The following NOX5 variants were observed in gnomAD, a reference collection of about 807,000 sequenced individuals.
The protein encoded by NOX5 is NADPH oxidase, EF-hand calcium binding domain 5.
In NOX5, 76 loss-of-function variants were observed where a neutral mutation model predicts 85.7. That is an observed-to-expected ratio of 0.89 (90% CI 0.74 to 1.07). NOX5 has a LOEUF of 1.07. Ranked by LOEUF, NOX5 falls within the 50% of genes least tolerant of loss-of-function variation. NOX5 has a pLI of 0.00. For missense variants in NOX5, 973 were observed against 999.5 expected, an observed-to-expected ratio of 0.97 and a Z score of 0.36; for synonymous variants, 405 against 401.4, an observed-to-expected ratio of 1.01 and a Z score of -0.11.
chr15:69,021,599 A>C (rs1419980794), intron 1 of NOX5, among the ~76,000 whole-genome samples: 1 of 152,178 alleles, frequency 6.6e-6, no homozygotes, highest in Non-Finnish European at 1.5e-5. Context: ...TATAGGTGTG[A>C]GCCACCGCAC....
At chr15:69,026,384 C>A (rs544863709) in intron 1 of NOX5, 144 bp from the exon 2 acceptor site, 24 of 936,630 alleles carry the variant, frequency 2.6e-5, no homozygotes, top group Non-Finnish European at 3.6e-5. Flanking sequence ...AAGCTCCAAT[C>A]CACAGCCAGA....
At chr15:69,016,461 C>T (rs2050233459) in intron 1 of NOX5, among the ~76,000 whole-genome samples, 1 of 152,162 alleles carries the variant, frequency 6.6e-6, no homozygotes, top group South Asian at 2.1e-4. Context: ...GACAGGTGGT[C>T]CGCAAGAAGA....
At chr15:69,047,570 G>A in intron 12 of NOX5, 33 bp downstream of exon 12, 2 of 1,600,506 alleles carry the variant, frequency 1.2e-6, no homozygotes, top group Non-Finnish European at 8.5e-7. Flanking sequence ...CCTGCATCCT[G>A]GGTCAGAGCC....
rs2050836010 is a variant in NOX5, at chr15:69,058,220, G to A, written c.*1524G>A. ...TGGGTTGGAAGTCCATGGTTGCAAA[G>A]GGGGAGGTAAAGAAGCCGGATCATA... On this transcript the variant is annotated 3_prime_UTR_variant, in exon 16 of 16. Coordinates refer to ENST00000388866, the MANE Select transcript of NOX5 (RefSeq NM_024505.4). 6.6e-6 allele frequency: 1 copy of A among 152,332 alleles called. No homozygotes were observed. Among genetic ancestry groups the A allele is most frequent in the African/African-American group, 2.4e-5 (1 of 41,456 alleles). The allele number at this position is 152,332 out of a possible 1,614,324, so 9.4% of individuals were successfully genotyped here.
rs1159272061 is a variant in NOX5, at chr15:69,059,848, G to T, written c.*3152G>T. ...GACAGATAAGGCTGACACATGCAAA[G>T]AGAAGAGAGAAGGAGCAAGGCCAGT... On this transcript the variant is annotated 3_prime_UTR_variant, in exon 16 of 16. Coordinates refer to ENST00000388866, the MANE Select transcript of NOX5 (RefSeq NM_024505.4). 1.4e-5 allele frequency: 1 copy of T among 70,408 alleles called. No individual in the cohort carries two copies. Among genetic ancestry groups the T allele is most frequent in the African/African-American group, 5.1e-5 (1 of 19,646 alleles). 4.4% of individuals were successfully genotyped at this position (70,408 alleles called of 1,614,324 possible). A position where few individuals can be genotyped will look rare whatever the true frequency, so the allele number is the denominator to read the frequency against.
intron 9 of NOX5, among the ~76,000 whole-genome samples, chr15:69,040,869 G>A (rs2050585613): frequency 6.6e-6 from 1 of 152,062 alleles, no homozygotes; most frequent in South Asian, 2.1e-4. Flanking sequence ...TGTATTTTTA[G>A]TAGAGTCTGG....
At position 69,056,640 on chromosome 15, in the gene NOX5, G is replaced by T. The variant is rs962395718; in HGVS notation, c.2242G>T (p.Val748Leu). The change falls in exon 16 of 16, where the codon GTG (valine) becomes TTG (leucine). Residue 748 changes from valine (V) to leucine (L), a missense_variant. Coordinates refer to ENST00000388866, the MANE Select transcript of NOX5 (RefSeq NM_024505.4). ...CTGTGGCTCCCCAGCTCTGGCCAAG[G>T]TGCTGAAGGGCCATTGTGAGAAGTT... ...FFCGSPALAKVLKGHCEKFGF... is the reference protein window; with the variant it reads ...FFCGSPALAKLLKGHCEKFGF... 6.2e-7 allele frequency: 1 copy of T among 1,613,686 alleles called. No individual in the cohort carries two copies. Among genetic ancestry groups the T allele is most frequent in the Non-Finnish European group, 8.5e-7 (1 of 1,180,028 alleles).
At chr15:69,048,559 A>G (rs2050705480) in intron 13 of NOX5, among the ~76,000 whole-genome samples, 1 of 151,668 alleles carries the variant, frequency 6.6e-6, no homozygotes, top group Admixed American at 6.6e-5. Flanking sequence ...AAATAATAAT[A>G]ATAATTAAAA....
Position 69,033,476 on chromosome 15 carries a change from A to G in NOX5, c.855+199A>G, listed in dbSNP as rs567020686. 2.0e-5 allele frequency among the ~76,000 whole-genome samples: 3 copies of G among 152,276 alleles called. No homozygotes were observed. In the South Asian group the frequency reaches 6.2e-4, roughly 32 times the overall value. ...GCTTGTCCACAGTCACACAGCCAGTAAATAATAACATAACTGGCATTTTTG... is the reference window on the plus strand; with the variant it reads ...GCTTGTCCACAGTCACACAGCCAGTGAATAATAACATAACTGGCATTTTTG... On this transcript the variant is annotated intron_variant, in intron 5 of 15. Transcript: ENST00000388866.
chr15:69,024,542 A>G (rs1051082441), intron 1 of NOX5, among the ~76,000 whole-genome samples: 1 of 152,138 alleles, frequency 6.6e-6, no homozygotes, highest in African/African-American at 2.4e-5. Context: ...AAGAAGAAGA[A>G]GGGTTAGTAC....
In NOX5 at chr15:69,049,057, C is replaced by T. The variant is rs748700531; in HGVS notation, c.1998C>T (p.Tyr666=). 30 of 1,608,360 alleles carry T rather than the reference C, an allele frequency of 1.9e-5. No individual in the cohort carries two copies. The highest frequency in any genetic ancestry group is 2.7e-5 in the African/African-American group (2 of 74,802). The change falls in exon 14 of 16, where the codon TAC becomes TAT. Residue 666 remains tyrosine, a splice_region_variant and synonymous_variant. Transcript: ENST00000388866. Reference sequence around the variant, plus strand: ...TGGACCAGGCCGAGGAGGCTCAATACGGTAAGAGAGGGACAGGGCCTGAGG... The same window carrying T: ...TGGACCAGGCCGAGGAGGCTCAATATGGTAAGAGAGGGACAGGGCCTGAGG... ...LEMDQAEEAQ[Y]GRFLELHMYM...
intron 10 of NOX5, 38 bp downstream of exon 10, chr15:69,042,843 G>T: frequency 1.3e-6 from 2 of 1,599,592 alleles, no homozygotes; most frequent in African/African-American, 2.7e-5. Flanking sequence ...CACTCTGCTG[G>T]CAAGTCCACA....
chr15:69,015,493 C>T (rs1437286071), intron 1 of NOX5, among the ~76,000 whole-genome samples: 3 of 152,082 alleles, frequency 2.0e-5, no homozygotes, highest in Non-Finnish European at 2.9e-5. Context: ...CCGAGGGTCC[C>T]GAGAGATGAA....
At chr15:69,055,229 A>C in intron 14 of NOX5, 105 bp from the exon 15 acceptor site, 1 of 1,256,742 alleles carries the variant, frequency 8.0e-7, no homozygotes, top group Non-Finnish European at 1.1e-6. Context: ...CAAAAGACCT[A>C]TGGGTCTCCT....
chr15:69,046,958 G>C lies in NOX5; in HGVS notation c.1692+92G>C, dbSNP rs563578477. On this transcript the variant is annotated intron_variant, in intron 11 of 15. Coordinates refer to ENST00000388866, the MANE Select transcript of NOX5 (RefSeq NM_024505.4). ...CCTTTAAGGAGGGGCTGTTGTGGTT[G>C]TGGGTACTCAAGCTCCTCAAATCCT... 7 of 1,398,008 alleles carry C rather than the reference G, an allele frequency of 5.0e-6. No individual in the cohort carries two copies. The South Asian group carries it at 8.5e-5, about 17-fold the overall frequency. The allele number at this position is 1,398,008 out of a possible 1,614,324, so 86.6% of individuals were successfully genotyped here.
chr15:69,047,774 G>A, intron 12 of NOX5, 56 bp from the exon 13 acceptor site: 2 of 1,572,970 alleles, frequency 1.3e-6, no homozygotes. Context: ...CTGTTCTCTG[G>A]GGTCCTGAAA....
At chr15:69,051,548 C>T (rs550144876) in intron 14 of NOX5, among the ~76,000 whole-genome samples, 77 of 152,148 alleles carry the variant, frequency 5.1e-4, no homozygotes, top group African/African-American at 1.8e-3. Flanking sequence ...CCCAGCTAAT[C>T]TCATTTTTTG....
chr15:69,055,579 C>A, intron 15 of NOX5, 79 bp downstream of exon 15: 2 of 1,520,190 alleles, frequency 1.3e-6, no homozygotes, highest in South Asian at 2.5e-5. Context: ...AGACGAGGCC[C>A]AAGCTGTCAG....
chr15:69,024,981 A>G (rs1310188503), intron 1 of NOX5, among the ~76,000 whole-genome samples: 1 of 152,182 alleles, frequency 6.6e-6, no homozygotes, highest in African/African-American at 2.4e-5. Flanking sequence ...AAACTATTAC[A>G]TTTATTTTTA....
Sources: gnomAD v4.1 joint callset for allele counts (sites outside exome capture counted in the v4.1 genomes callset) on GRCh38, gnomAD v4.1.1 for gene constraint, MANE v1.5 for transcripts, NCBI Gene and HGNC (gene_info 2026-07-23, HGNC 2026-07-21) for gene names.